TENT4A: variants seen among roughly 807,000 people sequenced by gnomAD.
TENT4A encodes the protein terminal nucleotidyltransferase 4A.
A neutral mutation model predicts 72.8 loss-of-function variants in TENT4A; 7 were observed. The observed-to-expected ratio is 0.10, with a 90% CI of 0.05 to 0.18. The LOEUF is 0.18. Ranked by LOEUF, TENT4A falls within the 10% of genes least tolerant of loss-of-function variation. TENT4A has a pLI of 1.00. For missense variants in TENT4A, 831 were observed against 1,017.7 expected, an observed-to-expected ratio of 0.82 and a Z score of 2.50; for synonymous variants, 456 against 434.3, an observed-to-expected ratio of 1.05 and a Z score of -0.62.
intron 1 of TENT4A, among the ~76,000 whole-genome samples, chr5:6,728,447 G>A (rs1259217931): frequency 1.3e-5 from 2 of 152,328 alleles, no homozygotes; most frequent in African/African-American, 2.4e-5. Flanking sequence ...TTGGGAGAAC[G>A]CCTTCCTCAC....
At chr5:6,716,040 G>T (rs1740369287) in intron 1 of TENT4A, among the ~76,000 whole-genome samples, 2 of 152,090 alleles carry the variant, frequency 1.3e-5, no homozygotes, top group Admixed American at 1.3e-4. Flanking sequence ...AATGGACTCC[G>T]TTTCTCTTAG....
chr5:6,745,922 T>C, intron 6 of TENT4A: 1 of 758,282 alleles, frequency 1.3e-6, no homozygotes, highest in South Asian at 2.0e-5. Context: ...GTCCAACTTA[T>C]TTGCCCATAT....
intron 1 of TENT4A, among the ~76,000 whole-genome samples, chr5:6,727,763 C>A (rs1579460362): frequency 6.6e-6 from 1 of 152,310 alleles, no homozygotes; most frequent in East Asian, 1.9e-4. Context: ...GGCTACTTAT[C>A]TTCCCCATCA....
At chr5:6,739,421 G>A (rs2126635880) in intron 3 of TENT4A, among the ~76,000 whole-genome samples, 1 of 152,330 alleles carries the variant, frequency 6.6e-6, no homozygotes, top group East Asian at 1.9e-4. Context: ...GGAGAGCGGG[G>A]CCTCAGCCTG....
At position 6,742,603 on chromosome 5, in the gene TENT4A, G is replaced by A; in HGVS notation, c.1116+6G>A. ...TCATCAAGAATTACATGAAGGTACT[G>A]TGCTTGGTGACCCAGCGCGGCGAGA... On this transcript the variant is annotated splice_donor_region_variant and intron_variant, in intron 5 of 12. Coordinates refer to ENST00000230859, the MANE Select transcript of TENT4A (RefSeq NM_006999.6). 2 of 1,574,212 alleles carry A rather than the reference G, an allele frequency of 1.3e-6. No individual in the cohort carries two copies. The highest frequency in any genetic ancestry group is 1.7e-6 in the Non-Finnish European group (2 of 1,143,688).
intron 4 of TENT4A, among the ~76,000 whole-genome samples, chr5:6,740,829 C>T (rs371692938): frequency 3.3e-5 from 5 of 152,194 alleles, no homozygotes; most frequent in African/African-American, 4.8e-5. Flanking sequence ...AAGCCCTGGC[C>T]GGCCACTTTC....
intron 1 of TENT4A, among the ~76,000 whole-genome samples, chr5:6,735,184 C>T (rs927893458): frequency 1.3e-5 from 2 of 152,294 alleles, no homozygotes; most frequent in East Asian, 1.9e-4. Flanking sequence ...TTTTAGTATC[C>T]TAGCTTTGGC....
chr5:6,737,624 G>C lies in TENT4A; in HGVS notation c.831G>C (p.Pro277=). ...AAACTGTGGTGAAAGACCTTTGGCC[G>C]ACGGCTGATGTGAGTATGTTCTTTG... ...RIETVVKDLW[P]TADVQIFGSF... is the part of the protein sequence containing the mutation. Residue 277 remains proline, a synonymous_variant, in exon 2 of 13, where the codon CCG becomes CCC. Coordinates refer to ENST00000230859, the MANE Select transcript of TENT4A (RefSeq NM_006999.6). The C allele has an allele frequency of 6.2e-7, 1 of 1,613,822 alleles. No homozygotes were observed. The highest frequency in any genetic ancestry group is 8.5e-7 in the Non-Finnish European group (1 of 1,179,942).
intron 5 of TENT4A, 103 bp downstream of exon 5, chr5:6,742,700 T>TCCTGATCTG: frequency 1.4e-6 from 1 of 714,710 alleles, no homozygotes. Context: ...CACACAAGTC[T>TCCTGATCTG]TTCGTAACAC....
Position 6,713,849 on chromosome 5 carries a change from CCGCCG to C in TENT4A, c.-133_-129del, listed in dbSNP as rs1740216069. 1 of 67,392 alleles carries C rather than the reference CCGCCG, an allele frequency of 1.5e-5. No homozygotes were observed. The highest frequency in any genetic ancestry group is 2.6e-5 in the Non-Finnish European group (1 of 38,888). 4.2% of individuals were successfully genotyped at this position (67,392 alleles called of 1,614,324 possible). A position where few individuals can be genotyped will look rare whatever the true frequency, so the allele number is the denominator to read the frequency against. ...AGGCCGGGGCTCGGCCCGCCCGCCG[CCGCCG>C]CCGCCGCCGCCGCCACCGGCCCAGG... On this transcript the variant is annotated 5_prime_UTR_variant, in exon 1 of 13. Transcript: ENST00000230859.
chr5:6,718,697 G>T (rs1364094116), intron 1 of TENT4A, among the ~76,000 whole-genome samples: 1 of 152,232 alleles, frequency 6.6e-6, no homozygotes, highest in Non-Finnish European at 1.5e-5. Flanking sequence ...TTTAGTAATA[G>T]CATCACTTGT....
At chr5:6,733,484 T>C (rs1741307148) in intron 1 of TENT4A, among the ~76,000 whole-genome samples, 1 of 152,250 alleles carries the variant, frequency 6.6e-6, no homozygotes, top group Admixed American at 6.5e-5. Context: ...GCATAGAAAT[T>C]TCTTCGATTT....
chr5:6,725,709 A>G (rs1740884225), intron 1 of TENT4A, among the ~76,000 whole-genome samples: 1 of 152,160 alleles, frequency 6.6e-6, no homozygotes, highest in South Asian at 2.1e-4. Context: ...GAAAGCTCTA[A>G]AGTCACTCAG....
rs147766855 is a variant in TENT4A at position 6,729,398 on chromosome 5, A to G, written c.717-8112A>G. Among the ~76,000 whole-genome samples, 350 of 152,382 alleles carry G rather than the reference A, an allele frequency of 2.3e-3. 2 individuals are homozygous for G. The highest frequency in any genetic ancestry group is 7.9e-3 in the African/African-American group (328 of 41,592). On this transcript the variant is annotated intron_variant, in intron 1 of 12. Transcript: ENST00000230859. ...TTATTCTGTATTGTTGCCCCAAAAGATGATGCTCACTTATCTTTCATCCAG... is the reference window on the plus strand; with the variant it reads ...TTATTCTGTATTGTTGCCCCAAAAGGTGATGCTCACTTATCTTTCATCCAG...
In TENT4A at chr5:6,713,844, C is replaced by CGCCGCG. The variant is rs1488904077; in HGVS notation, c.-135_-134insGGCCGC. 2 of 44,338 alleles carry CGCCGCG rather than the reference C, an allele frequency of 4.5e-5. No homozygotes were observed. The highest frequency in any genetic ancestry group is 1.7e-3 in the East Asian group (2 of 1,188). 2.7% of individuals were successfully genotyped at this position (44,338 alleles called of 1,614,324 possible). A position where few individuals can be genotyped will look rare whatever the true frequency, so the allele number is the denominator to read the frequency against. ...GCAGGAGGCCGGGGCTCGGCCCGCC[C>CGCCGCG]GCCGCCGCCGCCGCCGCCGCCGCCA... On this transcript the variant is annotated 5_prime_UTR_variant, in exon 1 of 13. Transcript: ENST00000230859.
intron 1 of TENT4A, among the ~76,000 whole-genome samples, chr5:6,718,263 T>G (rs1174207537): frequency 1.3e-5 from 2 of 152,208 alleles, no homozygotes; most frequent in Non-Finnish European, 2.9e-5. Flanking sequence ...TTGGTGCATG[T>G]TTTTCTCAAT....
chr5:6,715,983 G>A (rs2126590142), intron 1 of TENT4A, among the ~76,000 whole-genome samples: 1 of 152,242 alleles, frequency 6.6e-6, no homozygotes, highest in Middle Eastern at 3.4e-3. Flanking sequence ...ATACCTAAGG[G>A]CTCGCTTGGG....
At chr5:6,740,601 A>G (rs1307413390) in intron 4 of TENT4A, among the ~76,000 whole-genome samples, 2 of 152,030 alleles carry the variant, frequency 1.3e-5, no homozygotes, top group Non-Finnish European at 2.9e-5. Flanking sequence ...CATGTTTCTC[A>G]TTGTCAGGTG....
Position 6,750,314 on chromosome 5 carries a change from G to A in TENT4A, c.1688-17G>A. ...CAGTTCTCAGGAGTTATTAACCAAG[G>A]CTTTTTCCCTCCACAGACAGCAGGA... On this transcript the variant is annotated splice_polypyrimidine_tract_variant and intron_variant, in intron 9 of 12. Coordinates refer to ENST00000230859, the MANE Select transcript of TENT4A (RefSeq NM_006999.6). 6.3e-7 allele frequency: 1 copy of A among 1,599,250 alleles called. No homozygotes were observed. The highest frequency in any genetic ancestry group is 8.5e-7 in the Non-Finnish European group (1 of 1,173,230).
Sources: gnomAD v4.1 joint callset for allele counts (sites outside exome capture counted in the v4.1 genomes callset) on GRCh38, gnomAD v4.1.1 for gene constraint, MANE v1.5 for transcripts, NCBI Gene and HGNC (gene_info 2026-07-23, HGNC 2026-07-21) for gene names.